Variants in ZNF730 observed in about 807,000 individuals in gnomAD.
ZNF730 encodes the protein putative zinc finger protein 730.
In ZNF730, 12 loss-of-function variants were observed where a neutral mutation model predicts 12.6. That is an observed-to-expected ratio of 0.95 (90% CI 0.61 to 1.54). ZNF730 has a LOEUF of 1.54. Among genes scored for constraint, ZNF730 ranks in the 40% most tolerant of loss-of-function variants. The pLI, the probability that ZNF730 is intolerant of heterozygous loss-of-function variation, is 0.00. For missense variants in ZNF730, 643 were observed against 583.5 expected (o/e 1.10, Z -1.05); for synonymous variants, 194 against 195.8 (o/e 0.99, Z 0.08).
chr19:23,114,300 C>CTTTTTTT (rs11413226), upstream of ZNF730, among the ~76,000 whole-genome samples: 469 of 119,396 alleles, frequency 3.9e-3, 55 homozygotes, highest in Middle Eastern at 9.5e-3. Context: ...TTTTCTTTTT[C>CTTTTTTT]TTTTCTTTTT....
chr19:23,128,134 G>C (rs1970693844), intron 1 of ZNF730: 1 of 913,150 alleles, frequency 1.1e-6, no homozygotes, highest in Admixed American at 1.7e-5. Context: ...AACTACCACT[G>C]GCAATAAAGT....
chr19:23,146,199 A>G lies in ZNF730; in HGVS notation c.1155A>G (p.Ile385Met). The G allele has an allele frequency of 6.2e-7, 1 of 1,609,942 alleles. No individual in the cohort carries two copies. The highest frequency in any genetic ancestry group is 8.5e-7 in the Non-Finnish European group (1 of 1,177,644). The change falls in exon 4 of 4, where the codon ATA (isoleucine) becomes ATG (methionine). Residue 385 changes from isoleucine to methionine, a missense_variant. Ile to Met is a conservative substitution (Grantham distance 10, BLOSUM62 1). Transcript: ENST00000597761. ...KAFNQSSTLT[I>M]HKIIHTVEKF... Reference sequence around the variant, plus strand: ...TTAACCAATCCTCAACTCTTACTATACATAAGATAATTCATACTGTAGAGA... The same window carrying G: ...TTAACCAATCCTCAACTCTTACTATGCATAAGATAATTCATACTGTAGAGA...
At chr19:23,115,771 C>G (rs1020193775), upstream of ZNF730, among the ~76,000 whole-genome samples, 2 of 152,154 alleles carry the variant, frequency 1.3e-5, no homozygotes, top group African/African-American at 2.4e-5. Flanking sequence ...AGGAGCTCAG[C>G]TGGGACCAGA....
At chr19:23,101,456 G>T (rs1018266035) in intron 1 of ZNF730, among the ~76,000 whole-genome samples, 33 of 152,224 alleles carry the variant, frequency 2.2e-4, no homozygotes, top group African/African-American at 8.0e-4. Flanking sequence ...CGTACAGAAA[G>T]TGTTGACTCA....
intron 1 of ZNF730, among the ~76,000 whole-genome samples, chr19:23,109,132 A>ATT (rs370174681): frequency 6.6e-5 from 10 of 150,416 alleles, no homozygotes; most frequent in Non-Finnish European, 1.3e-4. Flanking sequence ...AAGAAACAGA[A>ATT]TTTTTTTTTT....
At chr19:23,124,745 G>A (rs1243947385) in intron 1 of ZNF730, among the ~76,000 whole-genome samples, 1 of 152,156 alleles carries the variant, frequency 6.6e-6, no homozygotes, top group African/African-American at 2.4e-5. Flanking sequence ...CAGTTTTCTT[G>A]TACTTGGGTG....
chr19:23,099,393 G>A (rs1204602223), intron 1 of ZNF730, among the ~76,000 whole-genome samples: 1 of 152,170 alleles, frequency 6.6e-6, no homozygotes, highest in East Asian at 1.9e-4. Flanking sequence ...TCTTGACAGG[G>A]CCAAGCACAG....
At chr19:23,075,551 G>A (rs1425030164) in intron 1 of ZNF730, among the ~76,000 whole-genome samples, 1 of 152,108 alleles carries the variant, frequency 6.6e-6, no homozygotes, top group Non-Finnish European at 1.5e-5. Context: ...GCCCGCGGCC[G>A]GGACCCCCAG....
chr19:23,078,300 T>C (rs778397589), intron 1 of ZNF730, among the ~76,000 whole-genome samples: 14 of 152,014 alleles, frequency 9.2e-5, no homozygotes, highest in Non-Finnish European at 1.3e-4. Flanking sequence ...GAGTGATTTA[T>C]ATTATTCCCT....
chr19:23,089,170 T>C (rs1309805040), intron 1 of ZNF730, among the ~76,000 whole-genome samples: 2 of 152,110 alleles, frequency 1.3e-5, no homozygotes, highest in African/African-American at 4.8e-5. Flanking sequence ...CGCGCCTGGC[T>C]GATTATGTGG....
chr19:23,117,171 G>C lies in ZNF730; in HGVS notation c.-3G>C, dbSNP rs979586181. On this transcript the variant is annotated 5_prime_UTR_variant, in exon 1 of 4. Transcript: ENST00000597761. ...GACGCCAGGGCCCCCTGGAAGCCTA[G>C]AAATGGTGAGAGTGCCGGTCCGACA... 1.2e-6 allele frequency: 2 copies of C among 1,613,974 alleles called. No individual in the cohort carries two copies. The highest frequency in any genetic ancestry group is 1.7e-6 in the Non-Finnish European group (2 of 1,179,852).
intron 3 of ZNF730, among the ~76,000 whole-genome samples, chr19:23,140,588 G>A (rs1333440407): frequency 1.4e-5 from 2 of 144,556 alleles, no homozygotes; most frequent in Admixed American, 7.1e-5. Context: ...TCCAGCCTGG[G>A]CAAAGCAAGA....
At chr19:23,100,338 A>G (rs1024972801) in intron 1 of ZNF730, 5 of 152,218 alleles carry the variant, frequency 3.3e-5, no homozygotes, top group African/African-American at 1.2e-4. Flanking sequence ...GAAGAAAGCA[A>G]TAGAGTTAAT....
chr19:23,078,492 A>G (rs548947492), intron 1 of ZNF730, among the ~76,000 whole-genome samples: 6 of 152,070 alleles, frequency 3.9e-5, no homozygotes, highest in Admixed American at 2.0e-4. Context: ...TGACACAGAG[A>G]TATTTGTTCA....
At position 23,147,142 on chromosome 19, in the gene ZNF730, GA is replaced by G. The variant is rs1436800623; in HGVS notation, c.*589del. 1.7e-5 allele frequency: 3 copies of G among 178,296 alleles called. No individual in the cohort carries two copies. The highest frequency in any genetic ancestry group is 7.2e-5 in the African/African-American group (3 of 41,772). The allele number at this position is 178,296 out of a possible 1,614,324, so 11.0% of individuals were successfully genotyped here. On this transcript the variant is annotated 3_prime_UTR_variant, in exon 4 of 4. Coordinates refer to ENST00000597761, the MANE Select transcript of ZNF730 (RefSeq NM_001277403.2). Reference sequence around the variant, plus strand: ...TTGAGAATAAATATACAAGTGTAAAGAAAGTGAAAACCCTATTAATATCTGC... The same window carrying G: ...TTGAGAATAAATATACAAGTGTAAAGAAGTGAAAACCCTATTAATATCTGC...
At chr19:23,093,035 G>T (rs1970183142) in intron 1 of ZNF730, among the ~76,000 whole-genome samples, 1 of 152,086 alleles carries the variant, frequency 6.6e-6, no homozygotes, top group Non-Finnish European at 1.5e-5. Context: ...TTGTCACCCA[G>T]GCTGGAGTGG....
In ZNF730 at chr19:23,100,671, T is replaced by G. The variant is rs1970326297; in HGVS notation, c.-94+25284T>G. Among the ~76,000 whole-genome samples, 2 of 61,772 alleles carry G rather than the reference T, an allele frequency of 3.2e-5. 1 individual carries two copies. The highest frequency in any genetic ancestry group is 4.3e-4 in the Admixed American group (2 of 4,606). The allele number at this position is 61,772 out of a possible 152,430, so 40.5% of individuals were successfully genotyped here. On this transcript the variant is annotated intron_variant, in intron 1 of 2. Coordinates refer to the ZNF730 transcript ENST00000593635. ...TTTTTTTTTTTTTTTTTTTTTTTTT[T>G]TTGAGACAGAATCTTGCTCTGTCAC...
intron 1 of ZNF730, among the ~76,000 whole-genome samples, chr19:23,077,798 A>G (rs931059919): frequency 6.6e-6 from 1 of 152,162 alleles, no homozygotes; most frequent in African/African-American, 2.4e-5. Flanking sequence ...AGAAGTAGGC[A>G]TAAGAGACTC....
At chr19:23,113,490 G>C (rs1970479836), upstream of ZNF730, among the ~76,000 whole-genome samples, 1 of 152,134 alleles carries the variant, frequency 6.6e-6, no homozygotes, top group Non-Finnish European at 1.5e-5. Flanking sequence ...CCTAAATAAT[G>C]GAAACAGTGG....
Sources: gnomAD v4.1 joint callset for allele counts (sites outside exome capture counted in the v4.1 genomes callset) on GRCh38, gnomAD v4.1.1 for gene constraint, MANE v1.5 for transcripts, NCBI Gene and HGNC (gene_info 2026-07-23, HGNC 2026-07-21) for gene names.